Variants in TPRG1 observed in about 807,000 individuals in gnomAD.
TPRG1 encodes the protein tumor protein p63-regulated gene 1 protein.
TPRG1 carries 29 observed loss-of-function variants against 29.3 expected under a neutral mutation model. The ratio of observed to expected loss-of-function variants is 0.99; its 90% confidence interval spans 0.74 to 1.35. TPRG1 has a LOEUF of 1.35. Ranked by LOEUF, TPRG1 falls within the 40% of genes most tolerant of loss-of-function variation. The pLI, the probability that TPRG1 is intolerant of heterozygous loss-of-function variation, is 0.00. For missense variants in TPRG1, 327 were observed against 335.0 expected (o/e 0.98, Z 0.19); for synonymous variants, 130 against 116.8 (o/e 1.11, Z -0.73).
chr3:189,118,242 C>T (rs951704889), intron 1 of TPRG1, among the ~76,000 whole-genome samples: 3 of 152,210 alleles, frequency 2.0e-5, no homozygotes, highest in African/African-American at 7.2e-5. Context: ...AGAGACTGGC[C>T]GCATTCTACC....
chr3:189,131,139 T>TTTTA (rs1723068013), intron 2 of TPRG1, among the ~76,000 whole-genome samples: 1 of 152,176 alleles, frequency 6.6e-6, no homozygotes, highest in Admixed American at 6.6e-5. Context: ...CTAAAAAATG[T>TTTTA]TTTAAATCGG....
At chr3:189,174,694 C>G (rs770836222) in intron 1 of TPRG1, among the ~76,000 whole-genome samples, 16 of 152,174 alleles carry the variant, frequency 1.1e-4, no homozygotes, top group Non-Finnish European at 2.4e-4. Flanking sequence ...ACCGTTGGCT[C>G]TGATACCTAC....
chr3:189,040,656 GA>G (rs1714575420), intron 4 of TPRG1, among the ~76,000 whole-genome samples: 1 of 151,978 alleles, frequency 6.6e-6, no homozygotes, highest in African/African-American at 2.4e-5. Context: ...TTCTGCAATG[GA>G]AAAAACCCCT....
chr3:189,230,289 T>A (rs1040077265), intron 3 of TPRG1, among the ~76,000 whole-genome samples: 33 of 152,174 alleles, frequency 2.2e-4, no homozygotes, highest in Non-Finnish European at 7.3e-5. Context: ...CTTGATGGAA[T>A]GTATGCAGCC....
intron 3 of TPRG1, among the ~76,000 whole-genome samples, chr3:189,221,128 G>A (rs1013689472): frequency 4.6e-4 from 70 of 152,092 alleles, no homozygotes; most frequent in Admixed American, 2.9e-3. Context: ...CTTTATGATT[G>A]GAAAGATAAA....
chr3:189,155,098 A>G (rs1332073938), intron 5 of TPRG1, among the ~76,000 whole-genome samples: 1 of 152,048 alleles, frequency 6.6e-6, no homozygotes, highest in Non-Finnish European at 1.5e-5. Flanking sequence ...CGTGGAGGCT[A>G]ATATGGTTGG....
intron 4 of TPRG1, among the ~76,000 whole-genome samples, chr3:189,036,981 A>T (rs1218546492): frequency 6.7e-6 from 1 of 149,640 alleles, no homozygotes; most frequent in East Asian, 1.9e-4. Flanking sequence ...TCTTACTCCT[A>T]CTCCTGCCCC....
At chr3:189,255,007 C>T (rs12492297) in intron 4 of TPRG1, among the ~76,000 whole-genome samples, 1 of 151,914 alleles carries the variant, frequency 6.6e-6, no homozygotes, top group Non-Finnish European at 1.5e-5. Context: ...ATTTGAATAC[C>T]CTTTATTTAT....
At chr3:189,264,261 C>T (rs922558928) in intron 4 of TPRG1, among the ~76,000 whole-genome samples, 8 of 152,112 alleles carry the variant, frequency 5.3e-5, no homozygotes, top group Non-Finnish European at 1.0e-4. Context: ...TTCTTTCTAA[C>T]TTTGCTCCAT....
chr3:189,232,503 A>ACTCAGC (rs1738823774), intron 3 of TPRG1, among the ~76,000 whole-genome samples: 1 of 152,214 alleles, frequency 6.6e-6, no homozygotes, highest in African/African-American at 2.4e-5. Context: ...GGCTTGAGTT[A>ACTCAGC]CCATTGTCAA....
chr3:189,054,467 T>G (rs1715527986), intron 4 of TPRG1, among the ~76,000 whole-genome samples: 2 of 151,262 alleles, frequency 1.3e-5, no homozygotes, highest in African/African-American at 4.8e-5. Context: ...TAATCAATGA[T>G]CTTTGATATT....
upstream of TPRG1, among the ~76,000 whole-genome samples, chr3:189,098,064 C>T (rs1193465537): frequency 6.6e-6 from 1 of 152,194 alleles, no homozygotes; most frequent in Non-Finnish European, 1.5e-5. Context: ...TAGACATCGT[C>T]TCCTTTGATT....
chr3:189,015,494 G>A (rs565337307), intron 3 of TPRG1, among the ~76,000 whole-genome samples: 64 of 152,296 alleles, frequency 4.2e-4, no homozygotes, highest in African/African-American at 1.5e-3. Flanking sequence ...AAGTAAAGAG[G>A]AGCCAAATGT....
intron 1 of TPRG1, among the ~76,000 whole-genome samples, chr3:189,116,628 C>G (rs1046050904): frequency 6.6e-6 from 1 of 152,184 alleles, no homozygotes; most frequent in African/African-American, 2.4e-5. Context: ...GAAATTCTGA[C>G]ATTTGCTATG....
intron 4 of TPRG1, among the ~76,000 whole-genome samples, chr3:189,090,365 T>C (rs190686929): frequency 3.9e-4 from 59 of 152,232 alleles, no homozygotes; most frequent in Non-Finnish European, 6.3e-4. Context: ...TATACGTAAT[T>C]TTTGCTTCAT....
At chr3:189,239,563 A>T (rs982741338) in intron 4 of TPRG1, among the ~76,000 whole-genome samples, 6 of 152,210 alleles carry the variant, frequency 3.9e-5, no homozygotes, top group African/African-American at 1.4e-4. Flanking sequence ...GTGTCACGTA[A>T]TCAGAGAAAA....
At chr3:189,046,503 T>A (rs749270688) in intron 4 of TPRG1, among the ~76,000 whole-genome samples, 2 of 152,166 alleles carry the variant, frequency 1.3e-5, no homozygotes, top group East Asian at 3.9e-4. Context: ...ATGCAGAGAA[T>A]TCTTTAAGTT....
At chr3:189,051,926 C>T in intron 4 of TPRG1, among the ~76,000 whole-genome samples, 1 of 152,188 alleles carries the variant, frequency 6.6e-6, no homozygotes, top group East Asian at 1.9e-4. Flanking sequence ...TCATCTCTCA[C>T]CTTGTACAAA....
At chr3:189,088,564 C>A (rs1718116860) in intron 4 of TPRG1, among the ~76,000 whole-genome samples, 1 of 152,132 alleles carries the variant, frequency 6.6e-6, no homozygotes, top group African/African-American at 2.4e-5. Context: ...ACCTTGACCT[C>A]AAATGTCGGG....
Sources: gnomAD v4.1 joint callset for allele counts (sites outside exome capture counted in the v4.1 genomes callset) on GRCh38, gnomAD v4.1.1 for gene constraint, MANE v1.5 for transcripts, NCBI Gene and HGNC (gene_info 2026-07-23, HGNC 2026-07-21) for gene names.